MIOS: variants seen among roughly 807,000 people sequenced by gnomAD.
The protein encoded by MIOS is GATOR2 complex protein MIOS.
In MIOS, 52 loss-of-function variants were observed where a neutral mutation model predicts 96.9. The ratio of observed to expected loss-of-function variants is 0.54; its 90% CI spans 0.43 to 0.68. The LOEUF (loss-of-function observed/expected upper bound fraction) is 0.68. MIOS is among the 30% of genes least tolerant of loss of function. The pLI, the probability that MIOS is intolerant of heterozygous loss-of-function variation, is 0.00. For synonymous variants in MIOS, 397 were observed against 359.5 expected, an observed-to-expected ratio of 1.10 and a Z score of -1.18; for missense variants, 1,005 against 1,052.8, an observed-to-expected ratio of 0.95 and a Z score of 0.63.
intron 9 of MIOS, among the ~76,000 whole-genome samples, chr7:7,591,203 G>T (rs988433365): frequency 5.3e-5 from 8 of 151,152 alleles, no homozygotes; most frequent in African/African-American, 1.9e-4. Context: ...CTTTAAAGAT[G>T]TAGTTTCACT....
At chr7:7,606,212 GGT>G in intron 12 of MIOS, 141 bp downstream of exon 12, 1 of 1,094,812 alleles carries the variant, frequency 9.1e-7, no homozygotes, top group Non-Finnish European at 1.3e-6. Flanking sequence ...TAACAAAGGT[GGT>G]GTGAACATGT....
At chr7:7,571,026 A>G (rs1050797213) in intron 3 of MIOS, among the ~76,000 whole-genome samples, 1 of 152,222 alleles carries the variant, frequency 6.6e-6, no homozygotes, top group African/African-American at 2.4e-5. Flanking sequence ...GAGTTGAACT[A>G]TTTAGTGTAT....
Position 7,608,164 on chromosome 7 carries a change from C to T in MIOS, c.*1072C>T, listed in dbSNP as rs1392507487. 1 of 7,596 alleles carries T rather than the reference C, an allele frequency of 1.3e-4. No homozygotes were observed. Among genetic ancestry groups the T allele is most frequent in the African/African-American group, 3.9e-4 (1 of 2,538 alleles). The allele number at this position is 7,596 out of a possible 1,614,324, so 0.5% of individuals were successfully genotyped here. A position where few individuals can be genotyped will look rare whatever the true frequency, so the allele number is the denominator to read the frequency against. On this transcript the variant is annotated 3_prime_UTR_variant, in exon 13 of 13. Coordinates refer to ENST00000340080, the MANE Select transcript of MIOS (RefSeq NM_019005.4). ...GCTAAGTCAGGTACTTTATTTAAAA[C>T]ATTTTTTTTTCTCATTTCATAGCTA...
chr7:7,589,532 A>T lies in MIOS; in HGVS notation c.2012A>T (p.Asp671Val), dbSNP rs1482180060. The T allele has an allele frequency of 6.2e-7, 1 of 1,612,270 alleles. No homozygotes were observed. The highest frequency in any genetic ancestry group is 8.5e-7 in the Non-Finnish European group (1 of 1,178,852). ...GAGAGTTATGTTGATAGAACTGGAGATGTTCAAACAGCAAGTTACTGTATG... is the reference window on the plus strand; with the variant it reads ...GAGAGTTATGTTGATAGAACTGGAGTTGTTCAAACAGCAAGTTACTGTATG... ...LMESYVDRTGDVQTASYCMLQ... is the reference protein window; with the variant it reads ...LMESYVDRTGVVQTASYCMLQ... The change falls in exon 9 of 13, where the codon GAT (aspartate) becomes GTT (valine). Residue 671 changes from aspartate (D) to valine (V), a missense_variant. Asp to Val is a radical substitution (Grantham distance 152). Transcript: ENST00000340080.
chr7:7,573,861 T>G lies in MIOS; in HGVS notation c.1294+92T>G. ...GTCAGTCTGTAAATATGCTCAATGTTTTATATACAAATACAAGTTACATAA... is the reference window on the plus strand; with the variant it reads ...GTCAGTCTGTAAATATGCTCAATGTGTTATATACAAATACAAGTTACATAA... On this transcript the variant is annotated intron_variant, in intron 4 of 12. Transcript: ENST00000340080. This position sits in a 1 kb window ranked among gnomAD's most constrained non-coding sequence, Gnocchi z 5.0. The G allele has an allele frequency of 1.7e-6, 2 of 1,209,992 alleles. No homozygotes were observed. The highest frequency in any genetic ancestry group is 2.3e-6 in the Non-Finnish European group (2 of 865,278). The allele number at this position is 1,209,992 out of a possible 1,614,324, so 75.0% of individuals were successfully genotyped here.
chr7:7,605,993 C>T lies in MIOS; in HGVS notation c.2453C>T (p.Ala818Val), dbSNP rs1309665276. ...KVDLSKDKKL[A>V]QFNNWFTWCH... ...GACTTGAGCAAGGACAAAAAATTAG[C>T]CCAATTTAACAACTGGTTTACATGG... The change falls in exon 12 of 13, where the codon GCC becomes GTC. Residue 818 changes from alanine (A) to valine (V), a missense_variant. Coordinates refer to ENST00000340080, the MANE Select transcript of MIOS (RefSeq NM_019005.4). 6.2e-7 allele frequency: 1 copy of T among 1,613,714 alleles called. No homozygotes were observed. The highest frequency in any genetic ancestry group is 1.1e-5 in the South Asian group (1 of 91,064).
rs1022827506 is a variant in MIOS, at chr7:7,566,999, G to C, written c.-294G>C. On this transcript the variant is annotated 5_prime_UTR_variant, in exon 1 of 13. Transcript: ENST00000340080. ...CGGCCGCGGCCGCCATCTTGCCCGC[G>C]TCCGGGCTCCTGCGGCGGGCGGGGC... 2.6e-5 allele frequency: 4 copies of C among 152,108 alleles called. No homozygotes were observed. Among genetic ancestry groups the C allele is most frequent in the Admixed American group, 2.6e-4 (4 of 15,270 alleles). The allele number at this position is 152,108 out of a possible 1,614,324, so 9.4% of individuals were successfully genotyped here. A position where few individuals can be genotyped will look rare whatever the true frequency, so the allele number is the denominator to read the frequency against.
At position 7,573,175 on chromosome 7, in the gene MIOS, C is replaced by T; in HGVS notation, c.700C>T (p.Pro234Ser). 6.2e-7 allele frequency: 1 copy of T among 1,613,948 alleles called. No homozygotes were observed. The highest frequency in any genetic ancestry group is 1.7e-5 in the Admixed American group (1 of 60,012). Residue 234 changes from proline to serine, a missense_variant, in exon 4 of 13, where the codon CCA becomes TCA. Physicochemically the swap from Pro to Ser is moderately conservative, Grantham distance 74. Coordinates refer to ENST00000340080, the MANE Select transcript of MIOS (RefSeq NM_019005.4). The surrounding 1 kb of genome is among the most constrained non-coding windows in gnomAD (Gnocchi z 5.0). ...AGCTGTTCAGGGTGTGACGGTAGAC[C>T]CATATTTCCACGATCGTGTTGCTTC... ...TKAVQGVTVD[P>S]YFHDRVASFY... is the part of the protein sequence containing the mutation.
chr7:7,574,240 T>C (rs1475265035), intron 5 of MIOS, 44 bp downstream of exon 5: 9 of 1,446,466 alleles, frequency 6.2e-6, no homozygotes, highest in Non-Finnish European at 8.6e-6. Context: ...TTTATAACTT[T>C]TGTACTTTTA....
At chr7:7,604,504 AAGAAG>A (rs67959322) in intron 11 of MIOS, among the ~76,000 whole-genome samples, 1,698 of 152,298 alleles carry the variant, frequency 0.011, 23 homozygotes, top group African/African-American at 0.039. Flanking sequence ...TGTTACAGTA[AAGAAG>A]ACAAAAATCG....
rs918890977 is a variant in MIOS, at chr7:7,605,386, CCA to C, written c.2402-555_2402-554del. On this transcript the variant is annotated intron_variant, in intron 11 of 12. Coordinates refer to ENST00000340080, the MANE Select transcript of MIOS (RefSeq NM_019005.4). Reference sequence around the variant, plus strand: ...CTCGGCTCCCTGCAGCCTCCAATCCCCAGATTTAAGCAATTCTTGTGCCTCAG... The same window carrying C: ...CTCGGCTCCCTGCAGCCTCCAATCCCGATTTAAGCAATTCTTGTGCCTCAG... 1.6e-4 allele frequency: 24 copies of C among 152,232 alleles called. 1 individual carries two copies. Among genetic ancestry groups the C allele is most frequent in the Admixed American group, 1.4e-3 (21 of 15,262 alleles). The allele number at this position is 152,232 out of a possible 1,614,324, so 9.4% of individuals were successfully genotyped here.
At position 7,578,239 on chromosome 7, in the gene MIOS, A is replaced by G. The variant is rs75577868; in HGVS notation, c.1393+4043A>G. Among the ~76,000 whole-genome samples the G allele has an allele frequency of 2.8e-3, 430 of 152,332 alleles. 6 individuals are homozygous for G. Among genetic ancestry groups the G allele is most frequent in the African/African-American group, 9.9e-3 (411 of 41,568 alleles). ...AGATCAACCAGGATGAGAAGAATGCATGCTCTGAGGGAATCTCTTCTACAG... is the reference window on the plus strand; with the variant it reads ...AGATCAACCAGGATGAGAAGAATGCGTGCTCTGAGGGAATCTCTTCTACAG... On this transcript the variant is annotated intron_variant, in intron 5 of 12. Coordinates refer to ENST00000340080, the MANE Select transcript of MIOS (RefSeq NM_019005.4).
At chr7:7,593,653 G>A (rs1039295339) in intron 9 of MIOS, among the ~76,000 whole-genome samples, 2 of 151,982 alleles carry the variant, frequency 1.3e-5, no homozygotes, top group Admixed American at 6.5e-5. Flanking sequence ...CAGCACTTTG[G>A]GAGGCCGAGG....
At chr7:7,587,638 G>A (rs1783930950) in intron 7 of MIOS, among the ~76,000 whole-genome samples, 1 of 152,016 alleles carries the variant, frequency 6.6e-6, no homozygotes, top group Non-Finnish European at 1.5e-5. Flanking sequence ...TCAAAATTTT[G>A]TAACATATGC....
chr7:7,608,704 A>G lies in MIOS; in HGVS notation c.*1612A>G, dbSNP rs978252807. On this transcript the variant is annotated 3_prime_UTR_variant, in exon 13 of 13. Transcript: ENST00000340080. ...TCCTTTCAAACTTACTGTCTTAAAT[A>G]TGAAAGTCAGCTTTAAGTAATGTCA... 4 of 152,062 alleles carry G rather than the reference A, an allele frequency of 2.6e-5. No homozygotes were observed. Among genetic ancestry groups the G allele is most frequent in the Admixed American group, 1.3e-4 (2 of 15,240 alleles). 9.4% of individuals were successfully genotyped at this position (152,062 alleles called of 1,614,324 possible).
rs995857207 is a variant in MIOS at position 7,608,625 on chromosome 7, T to G, written c.*1533T>G. The G allele has an allele frequency of 2.6e-5, 4 of 152,078 alleles. No homozygotes were observed. The highest frequency in any genetic ancestry group is 7.2e-5 in the African/African-American group (3 of 41,454). The allele number at this position is 152,078 out of a possible 1,614,324, so 9.4% of individuals were successfully genotyped here. A position where few individuals can be genotyped will look rare whatever the true frequency, so the allele number is the denominator to read the frequency against. ...AGCCTTCATTTGAGTAAATCTTAAT[T>G]GATTTCATTTTATTAACATATACCC... On this transcript the variant is annotated 3_prime_UTR_variant, in exon 13 of 13. Transcript: ENST00000340080.
chr7:7,576,095 A>C (rs1783523164), intron 5 of MIOS, among the ~76,000 whole-genome samples: 1 of 152,212 alleles, frequency 6.6e-6, no homozygotes, highest in South Asian at 2.1e-4. Context: ...TTATTAGAGC[A>C]TACAGCTAAA....
chr7:7,593,879 C>CAAAAAAAAAAAAAAAAA (rs35986278), intron 9 of MIOS, among the ~76,000 whole-genome samples: 5 of 47,860 alleles, frequency 1.0e-4, no homozygotes, highest in Non-Finnish European at 1.3e-4. Flanking sequence ...ACTCTGTCTC[C>CAAAAAAAAAAAAAAAAA]AAAAAAAAAA....
chr7:7,599,619 G>A (rs964533102), intron 11 of MIOS, among the ~76,000 whole-genome samples: 3 of 152,154 alleles, frequency 2.0e-5, no homozygotes, highest in Non-Finnish European at 4.4e-5. Flanking sequence ...TAAGTATTAT[G>A]ATAAGTACAG....
Sources: allele counts gnomAD v4.1 joint callset (sites outside exome capture counted in the v4.1 genomes callset), GRCh38; gene constraint gnomAD v4.1.1; non-coding constraint Gnocchi (gnomAD v3.1); transcripts MANE v1.5; gene names NCBI Gene and HGNC (gene_info 2026-07-23, HGNC 2026-07-21).